SLC24A3: variants seen among roughly 807,000 people sequenced by gnomAD.
The protein encoded by SLC24A3 is solute carrier family 24 member 3, also known as sodium/potassium/calcium exchanger 3.
In SLC24A3, 28 loss-of-function variants were observed where a neutral mutation model predicts 75.8. The observed-to-expected ratio is 0.37, with a 90% CI of 0.27 to 0.51. The LOEUF is 0.51. Among genes scored for constraint, SLC24A3 ranks in the 20% least tolerant of loss-of-function variants. SLC24A3 has a pLI of 0.94. For missense variants in SLC24A3, 663 were observed against 847.8 expected (o/e 0.78, Z 2.71); for synonymous variants, 372 against 334.1 (o/e 1.11, Z -1.24).
At chr20:19,720,865 G>A in intron 16 of SLC24A3, 126 bp from the exon 17 acceptor site, 3 of 1,000,200 alleles carry the variant, frequency 3.0e-6, no homozygotes, top group Non-Finnish European at 2.9e-6. Context: ...GGCTCAGAGA[G>A]GATCAGCACC....
intron 3 of SLC24A3, among the ~76,000 whole-genome samples, chr20:19,524,761 A>G (rs2030167406): frequency 6.6e-6 from 1 of 152,202 alleles, no homozygotes; most frequent in African/African-American, 2.4e-5. Flanking sequence ...TGCATAACAT[A>G]GTTACATGTT....
chr20:19,395,693 G>A (rs561213541), intron 2 of SLC24A3, among the ~76,000 whole-genome samples: 1 of 152,222 alleles, frequency 6.6e-6, no homozygotes, highest in Non-Finnish European at 1.5e-5. Flanking sequence ...TGCAAAGAAG[G>A]AGGCATCCAA....
intron 2 of SLC24A3, among the ~76,000 whole-genome samples, chr20:19,373,643 G>A (rs1167620355): frequency 6.6e-6 from 1 of 152,096 alleles, no homozygotes; most frequent in Non-Finnish European, 1.5e-5. Context: ...ATATTTTGAG[G>A]ACAGTCTAGC....
chr20:19,302,680 A>G (rs960495911), intron 2 of SLC24A3, among the ~76,000 whole-genome samples: 6 of 152,198 alleles, frequency 3.9e-5, no homozygotes, highest in Admixed American at 1.3e-4. Flanking sequence ...ATAATTGTAT[A>G]TGTTTTCAAA....
chr20:19,226,176 G>A (rs1164748522), intron 1 of SLC24A3, among the ~76,000 whole-genome samples: 4 of 152,164 alleles, frequency 2.6e-5, no homozygotes, highest in African/African-American at 9.7e-5. Flanking sequence ...TTGATATGCT[G>A]AGGTGGTTTT....
At chr20:19,427,843 C>T (rs1168557184) in intron 2 of SLC24A3, among the ~76,000 whole-genome samples, 2 of 152,240 alleles carry the variant, frequency 1.3e-5, no homozygotes, top group Admixed American at 6.5e-5. Flanking sequence ...AGGGAACAGG[C>T]TCTTCATTTC....
At chr20:19,672,547 G>T (rs1448706006) in intron 8 of SLC24A3, among the ~76,000 whole-genome samples, 1 of 152,006 alleles carries the variant, frequency 6.6e-6, no homozygotes, top group Non-Finnish European at 1.5e-5. Flanking sequence ...ATGTTGCTCA[G>T]GCTGTTCTGG....
At chr20:19,609,093 C>G (rs996590646) in intron 6 of SLC24A3, among the ~76,000 whole-genome samples, 3 of 152,074 alleles carry the variant, frequency 2.0e-5, no homozygotes, top group Non-Finnish European at 2.9e-5. Context: ...CTCTATCCCC[C>G]CAAAGAAAAT....
At chr20:19,422,964 G>A (rs1986942463) in intron 2 of SLC24A3, among the ~76,000 whole-genome samples, 1 of 152,208 alleles carries the variant, frequency 6.6e-6, no homozygotes, top group South Asian at 2.1e-4. Flanking sequence ...GCTTATCAGT[G>A]TCACCTCCTG....
At chr20:19,319,199 G>C (rs1984650492) in intron 2 of SLC24A3, among the ~76,000 whole-genome samples, 1 of 152,182 alleles carries the variant, frequency 6.6e-6, no homozygotes, top group South Asian at 2.1e-4. Context: ...AGGAACCATG[G>C]ACTCTACTGT....
chr20:19,538,964 G>A (rs1006798466), intron 3 of SLC24A3, among the ~76,000 whole-genome samples: 1 of 152,144 alleles, frequency 6.6e-6, no homozygotes, highest in African/African-American at 2.4e-5. Flanking sequence ...ACAACAACAC[G>A]GTTGAATCCA....
chr20:19,496,273 A>G (rs1988285963), intron 2 of SLC24A3, among the ~76,000 whole-genome samples: 1 of 152,202 alleles, frequency 6.6e-6, no homozygotes, highest in African/African-American at 2.4e-5. Context: ...GCAAGGCCCG[A>G]TAGGCATGCT....
intron 7 of SLC24A3, 38 bp downstream of exon 7, chr20:19,654,174 C>G: frequency 6.3e-7 from 1 of 1,590,768 alleles, no homozygotes; most frequent in South Asian, 1.1e-5. Flanking sequence ...CATCAGTGCT[C>G]TTTTAAGCAC....
intron 2 of SLC24A3, among the ~76,000 whole-genome samples, chr20:19,391,372 C>G (rs987075528): frequency 1.3e-5 from 2 of 152,078 alleles, no homozygotes; most frequent in Non-Finnish European, 2.9e-5. Flanking sequence ...ATGTGTGTTA[C>G]TGAGGAATGT....
At chr20:19,407,692 T>C (rs1297441575) in intron 2 of SLC24A3, among the ~76,000 whole-genome samples, 2 of 152,248 alleles carry the variant, frequency 1.3e-5, no homozygotes, top group Admixed American at 6.5e-5. Flanking sequence ...ATTTAAACTA[T>C]GCCCTTCTTT....
At chr20:19,509,975 A>G (rs559660945) in intron 2 of SLC24A3, among the ~76,000 whole-genome samples, 1 of 152,370 alleles carries the variant, frequency 6.6e-6, no homozygotes, top group South Asian at 2.1e-4. Context: ...AGGAAGATTA[A>G]ACACTGTGAT....
At chr20:19,323,439 G>T (rs1464738065) in intron 2 of SLC24A3, among the ~76,000 whole-genome samples, 5 of 152,134 alleles carry the variant, frequency 3.3e-5, no homozygotes, top group African/African-American at 1.2e-4. Flanking sequence ...ACTATAGTGG[G>T]TGTTTCTGGC....
At chr20:19,711,366 A>G (rs2032990092) in intron 15 of SLC24A3, among the ~76,000 whole-genome samples, 1 of 151,932 alleles carries the variant, frequency 6.6e-6, no homozygotes, top group African/African-American at 2.4e-5. Context: ...ATGCATGCAC[A>G]CATGCAAGCA....
At chr20:19,568,915 T>C (rs2031004486) in intron 3 of SLC24A3, among the ~76,000 whole-genome samples, 1 of 152,176 alleles carries the variant, frequency 6.6e-6, no homozygotes, top group South Asian at 2.1e-4. Context: ...CAGAGAGACT[T>C]TTTTAATGAT....
Sources: allele counts gnomAD v4.1 joint callset (sites outside exome capture counted in the v4.1 genomes callset), GRCh38; gene constraint gnomAD v4.1.1; transcripts MANE v1.5; gene names NCBI Gene and HGNC (gene_info 2026-07-23, HGNC 2026-07-21).